PEG3: variants seen among roughly 807,000 people sequenced by gnomAD.
PEG3 encodes the protein paternally-expressed gene 3 protein.
A neutral mutation model predicts 35.5 loss-of-function variants in PEG3; 23 were observed. The ratio of observed to expected loss-of-function variants is 0.65; its 90% confidence interval spans 0.47 to 0.92. The LOEUF is 0.92. Among genes scored for constraint, PEG3 ranks in the 40% least tolerant of loss-of-function variants. PEG3 has a pLI of 0.00. For missense variants in PEG3, 1,960 were observed against 1,985.3 expected (o/e 0.99, Z 0.24); for synonymous variants, 707 against 697.0 (o/e 1.01, Z -0.23).
chr19:56,837,035 T>C (rs915810474), intron 1 of PEG3, among the ~76,000 whole-genome samples: 1 of 148,528 alleles, frequency 6.7e-6, no homozygotes, highest in African/African-American at 2.5e-5. Flanking sequence ...GCGTCATATG[T>C]GTCACTTTCC....
At position 56,815,469 on chromosome 19, in the gene PEG3, A is replaced by G. The variant is rs201923094; in HGVS notation, c.2973T>C (p.His991=). The change falls in exon 10 of 10, where the codon CAT becomes CAC. Residue 991 remains histidine, a synonymous_variant. Coordinates refer to ENST00000326441, the MANE Select transcript of PEG3 (RefSeq NM_006210.3). The stretch of plus-strand genomic sequence containing the variant: ...TGCTTCCAGAGGGCTTCTCCCTATC[A>G]TGAATCTTCTGGTGCTCAGTGAGGT... ...SSDLTEHQKI[H]DREKPSGSRN... 7 of 1,614,132 alleles carry G rather than the reference A, an allele frequency of 4.3e-6. No individual in the cohort carries two copies. In the East Asian group the frequency reaches 6.7e-5, roughly 15 times the overall value.
intron 1 of PEG3, among the ~76,000 whole-genome samples, chr19:56,840,242 G>GC (rs2062851925): frequency 6.6e-6 from 1 of 152,220 alleles, no homozygotes; most frequent in South Asian, 2.1e-4. Context: ...CCCCCGGTTT[G>GC]CTGCGGTGGC....
chr19:56,840,394 C>G (rs2062871124), intron 1 of PEG3, among the ~76,000 whole-genome samples, 188 bp downstream of exon 1: 1 of 152,200 alleles, frequency 6.6e-6, no homozygotes, highest in Non-Finnish European at 1.5e-5. Context: ...CTGGCCGCCA[C>G]TGTGCCCACT....
chr19:56,810,221 A>C lies in PEG3; in HGVS notation c.*3454T>G. On this transcript the variant is annotated 3_prime_UTR_variant, in exon 10 of 10. Coordinates refer to ENST00000326441, the MANE Select transcript of PEG3 (RefSeq NM_006210.3). ...GTTAACCACACTCTTTGGATGGTGA[A>C]AACATGGGTGAGTTTCTCTTCTACA... 5 of 983,092 alleles carry C rather than the reference A, an allele frequency of 5.1e-6. No individual in the cohort carries two copies. Among genetic ancestry groups the C allele is most frequent in the Non-Finnish European group, 6.0e-6 (5 of 827,804 alleles). 60.9% of individuals were successfully genotyped at this position (983,092 alleles called of 1,614,324 possible).
Position 56,815,046 on chromosome 19 carries a change from C to T in PEG3, c.3396G>A (p.Lys1132=). The T allele has an allele frequency of 6.2e-7, 1 of 1,614,188 alleles. No homozygotes were observed. Among genetic ancestry groups the T allele is most frequent in the Non-Finnish European group, 8.5e-7 (1 of 1,180,040 alleles). Residue 1132 remains lysine, a synonymous_variant, in exon 10 of 10, where the codon AAG becomes AAA. Coordinates refer to ENST00000326441, the MANE Select transcript of PEG3 (RefSeq NM_006210.3). ...LTDHQKVHSR[K]CLVDSREYTH... is the part of the protein sequence containing the mutation. ...TGTACTCCCGACTGTCAACCAGGCA[C>T]TTCCTGCTGTGGACTTTCTGATGGT...
At chr19:56,824,005 C>T (rs1237579088) in intron 4 of PEG3, among the ~76,000 whole-genome samples, 1 of 152,174 alleles carries the variant, frequency 6.6e-6, no homozygotes, top group Non-Finnish European at 1.5e-5. Flanking sequence ...CTTTCCCTCT[C>T]CTGACTCAGG....
Position 56,810,645 on chromosome 19 carries a change from A to G in PEG3, c.*3030T>C. On this transcript the variant is annotated 3_prime_UTR_variant, in exon 10 of 10. Transcript: ENST00000326441. ...AAAGATTATTTAAGGAATTTGAGAC[A>G]AAATATTTAACCAAATTCCCACAAT... is the stretch of plus-strand genomic sequence containing the variant. The G allele has an allele frequency of 4.2e-6, 4 of 956,102 alleles. No individual in the cohort carries two copies. The highest frequency in any genetic ancestry group is 5.0e-6 in the Non-Finnish European group (4 of 803,316). 59.2% of individuals were successfully genotyped at this position (956,102 alleles called of 1,614,324 possible). A position where few individuals can be genotyped will look rare whatever the true frequency, so the allele number is the denominator to read the frequency against.
intron 7 of PEG3, among the ~76,000 whole-genome samples, chr19:56,819,597 A>C (rs1203182502): frequency 6.6e-6 from 1 of 152,174 alleles, no homozygotes; most frequent in African/African-American, 2.4e-5. Context: ...ATCTGGGTCA[A>C]AGAAGGATTG....
chr19:56,818,718 C>T lies in PEG3; in HGVS notation c.670-16G>A. On this transcript the variant is annotated splice_polypyrimidine_tract_variant and intron_variant, in intron 7 of 9. Transcript: ENST00000326441. The stretch of plus-strand genomic sequence containing the variant: ...ATTCAGCATCCTAAAACAGCAAACA[C>T]AGACCTCTCAATGGAGTCTGTCCCC... 6.2e-7 allele frequency: 1 copy of T among 1,613,694 alleles called. No individual in the cohort carries two copies. Among genetic ancestry groups the T allele is most frequent in the Non-Finnish European group, 8.5e-7 (1 of 1,179,662 alleles).
rs1421142790 is a variant in PEG3, at chr19:56,814,261, G to C, written c.4181C>G (p.Ala1394Gly). ...GGCAGCCTCCACTTCTGGCTCAGCA[G>C]CCTCTACGTTTAAGCCCTGAATCCT... ...VLRIQGLNVEAAEPEVEAAEP... is the reference protein window; with the variant it reads ...VLRIQGLNVEGAEPEVEAAEP... Residue 1394 changes from alanine to glycine, a missense_variant, in exon 10 of 10, where the codon GCT (alanine) becomes GGT (glycine). By Grantham distance (60) the Ala-to-Gly change is moderately conservative. This residue lies in a region of PEG3 where 416 missense variants were observed against 416.7 expected (regional missense o/e 1.00). Transcript: ENST00000326441. This position sits in a 1 kb window ranked among gnomAD's most constrained non-coding sequence, Gnocchi z 5.8. 1.2e-6 allele frequency: 2 copies of C among 1,613,614 alleles called. No homozygotes were observed. The highest frequency in any genetic ancestry group is 1.7e-6 in the Non-Finnish European group (2 of 1,180,050).
In PEG3 at chr19:56,834,561, A is replaced by G. The variant is rs141549740; in HGVS notation, c.-163+1457T>C. ...ATTAATAAACCAGAATTGTGGGAAC[A>G]GGAACATCCTATTTCAAGTCACATG... On this transcript the variant is annotated intron_variant, in intron 2 of 9. Coordinates refer to ENST00000326441, the MANE Select transcript of PEG3 (RefSeq NM_006210.3). Among the ~76,000 whole-genome samples, 9 of 152,358 alleles carry G rather than the reference A, an allele frequency of 5.9e-5. No individual in the cohort carries two copies. In the East Asian group the frequency reaches 1.7e-3, roughly 29 times the overall value.
intron 4 of PEG3, 40 bp from the exon 5 acceptor site, chr19:56,823,719 A>G: frequency 6.2e-7 from 1 of 1,609,414 alleles, no homozygotes; most frequent in Non-Finnish European, 8.5e-7. Flanking sequence ...TCTCTGGCCC[A>G]CATTCTCACA....
At chr19:56,829,876 C>T (rs1243702386) in intron 2 of PEG3, among the ~76,000 whole-genome samples, 6 of 152,240 alleles carry the variant, frequency 3.9e-5, no homozygotes, top group Non-Finnish European at 8.8e-5. Flanking sequence ...CACTTGGCCC[C>T]CACTTCCCCA....
rs28524173 is a variant in PEG3, at chr19:56,816,845, C to A, written c.1597G>T (p.Val533Leu). The A allele has an allele frequency of 2.0e-3, 3,234 of 1,614,124 alleles. 60 individuals carry two copies. In the African/African-American group the frequency reaches 0.035, roughly 18 times the overall value. ...TCACATTCCTGATTCTTACATTCCA[C>A]AAGATAACCTCTAGCATGAATCTTC... is the stretch of plus-strand genomic sequence containing the variant. ...HRKIHARGYL[V>L]ECKNQECEEA... is the part of the protein sequence containing the mutation. The change falls in exon 10 of 10, where the codon GTG becomes TTG. Residue 533 changes from valine (V) to leucine (L), a missense_variant. Physicochemically the swap from Val to Leu is conservative, Grantham distance 32 (BLOSUM62 1). Around this residue, in one of 5 missense-constraint regions of PEG3, gnomAD observed 798 missense variants for 782.4 expected, o/e 1.02. Coordinates refer to ENST00000326441, the MANE Select transcript of PEG3 (RefSeq NM_006210.3).
Position 56,814,410 on chromosome 19 carries a change from G to A in PEG3, c.4032C>T (p.Ser1344=), listed in dbSNP as rs757026667. The change falls in exon 10 of 10, where the codon AGC becomes AGT. Residue 1344 remains serine, a synonymous_variant. Transcript: ENST00000326441. The surrounding 1 kb of genome is among the most constrained non-coding windows in gnomAD (Gnocchi z 5.8). The part of the protein sequence containing the change: ...CKDCGKSFIH[S]TVLTKHKELH... ...GCTCCTTATGTTTAGTGAGGACTGTGCTATGAATAAAGGACTTACCACAAT... is the reference window on the plus strand; with the variant it reads ...GCTCCTTATGTTTAGTGAGGACTGTACTATGAATAAAGGACTTACCACAAT... 1.4e-5 allele frequency: 23 copies of A among 1,613,722 alleles called. No homozygotes were observed. The East Asian group carries it at 3.1e-4, about 22-fold the overall frequency.
chr19:56,835,778 C>A (rs947676432), intron 2 of PEG3, among the ~76,000 whole-genome samples: 1 of 151,968 alleles, frequency 6.6e-6, no homozygotes, highest in African/African-American at 2.4e-5. Flanking sequence ...AAAGAGTAGC[C>A]CTGAAGGAGT....
intron 5 of PEG3, among the ~76,000 whole-genome samples, chr19:56,823,199 G>A (rs913153540): frequency 5.3e-5 from 8 of 151,944 alleles, no homozygotes; most frequent in African/African-American, 1.9e-4. Context: ...TAAAGTACAC[G>A]TTATTCTACT....
Position 56,810,647 on chromosome 19 carries a change from A to C in PEG3, c.*3028T>G, listed in dbSNP as rs2048072513. 3 of 953,598 alleles carry C rather than the reference A, an allele frequency of 3.1e-6. No individual in the cohort carries two copies. The African/African-American group carries it at 5.3e-5, about 17-fold the overall frequency. 59.1% of individuals were successfully genotyped at this position (953,598 alleles called of 1,614,324 possible). A position where few individuals can be genotyped will look rare whatever the true frequency, so the allele number is the denominator to read the frequency against. On this transcript the variant is annotated 3_prime_UTR_variant, in exon 10 of 10. Transcript: ENST00000326441. ...AGATTATTTAAGGAATTTGAGACAAAATATTTAACCAAATTCCCACAATGA... is the reference window on the plus strand; with the variant it reads ...AGATTATTTAAGGAATTTGAGACAACATATTTAACCAAATTCCCACAATGA...
In PEG3 at chr19:56,812,618, C is replaced by G. The variant is rs1036227664; in HGVS notation, c.*1057G>C. The G allele has an allele frequency of 1.0e-6, 1 of 985,418 alleles. No homozygotes were observed. Among genetic ancestry groups the G allele is most frequent in the African/African-American group, 1.8e-5 (1 of 57,096 alleles). 61.0% of individuals were successfully genotyped at this position (985,418 alleles called of 1,614,324 possible). A position where few individuals can be genotyped will look rare whatever the true frequency, so the allele number is the denominator to read the frequency against. ...CTTGTCACTTAAGGCAGGAAGCGCA[C>G]AAAGGAAGTGATGAAAGGTTATTAG... is the stretch of plus-strand genomic sequence containing the variant. On this transcript the variant is annotated 3_prime_UTR_variant, in exon 10 of 10. Transcript: ENST00000326441.
Sources: allele counts gnomAD v4.1 joint callset (sites outside exome capture counted in the v4.1 genomes callset), GRCh38; gene constraint gnomAD v4.1.1; regional missense constraint gnomAD v4.1.1; non-coding constraint Gnocchi (gnomAD v3.1); transcripts MANE v1.5; gene names NCBI Gene and HGNC (gene_info 2026-07-23, HGNC 2026-07-21).